The following PDE10A variants were observed in gnomAD, a reference collection of about 807,000 sequenced individuals.
PDE10A encodes phosphodiesterase 10A, also known as cAMP and cAMP-inhibited cGMP 3',5'-cyclic phosphodiesterase 10A.
PDE10A carries 39 observed loss-of-function variants against 97.7 expected under a neutral mutation model. The observed-to-expected ratio is 0.40, with a 90% CI of 0.31 to 0.52. The LOEUF (loss-of-function observed/expected upper bound fraction) is 0.52, where lower values mean the gene tolerates loss of function less well. Among genes scored for constraint, PDE10A ranks in the 20% least tolerant of loss-of-function variants. The pLI, the probability that PDE10A is intolerant of heterozygous loss-of-function variation, is 0.56. For missense variants in PDE10A, 731 were observed against 1,047.8 expected, an observed-to-expected ratio of 0.70 and a Z score of 4.17; for synonymous variants, 371 against 376.8, an observed-to-expected ratio of 0.98 and a Z score of 0.18.
intron 1 of PDE10A, among the ~76,000 whole-genome samples, chr6:165,878,207 C>G (rs1209933383): frequency 6.6e-6 from 1 of 152,164 alleles, no homozygotes; most frequent in Non-Finnish European, 1.5e-5. Context: ...CCATAGATGC[C>G]TCTAGTCTTA....
chr6:165,527,839 A>T (rs1486406678), intron 2 of PDE10A, among the ~76,000 whole-genome samples: 1 of 152,200 alleles, frequency 6.6e-6, no homozygotes, highest in Non-Finnish European at 1.5e-5. Context: ...CGATGGCCTC[A>T]TGGGGAGTTC....
intron 1 of PDE10A, among the ~76,000 whole-genome samples, chr6:165,729,269 A>G (rs1319522133): frequency 6.6e-6 from 1 of 152,144 alleles, no homozygotes; most frequent in Non-Finnish European, 1.5e-5. Context: ...AACCTTTTTC[A>G]AATGGAAAAA....
intron 1 of PDE10A, chr6:165,576,340 T>C: frequency 1.3e-6 from 1 of 775,746 alleles, no homozygotes; most frequent in Admixed American, 1.7e-5. Flanking sequence ...AGCTATAGAG[T>C]ACTAGTTTGC....
chr6:165,522,960 T>C (rs1782218174), intron 2 of PDE10A, among the ~76,000 whole-genome samples: 1 of 151,990 alleles, frequency 6.6e-6, no homozygotes, highest in African/African-American at 2.4e-5. Flanking sequence ...AAATCAATAG[T>C]GTTTCTATAT....
intron 2 of PDE10A, among the ~76,000 whole-genome samples, chr6:165,489,226 G>A (rs1780088565): frequency 6.6e-6 from 1 of 152,138 alleles, no homozygotes; most frequent in African/African-American, 2.4e-5. Context: ...TGGAGCAGGT[G>A]CTGGTATCCA....
intron 1 of PDE10A, among the ~76,000 whole-genome samples, chr6:165,757,364 G>A (rs1365303836): frequency 6.6e-6 from 1 of 151,928 alleles, no homozygotes; most frequent in Admixed American, 6.6e-5. Context: ...ATCATGTGCT[G>A]GCTATGAACA....
upstream of PDE10A, among the ~76,000 whole-genome samples, chr6:165,667,489 A>T (rs903933973): frequency 6.6e-6 from 1 of 152,184 alleles, no homozygotes; most frequent in Non-Finnish European, 1.5e-5. Context: ...AATAGTTTTT[A>T]ATTTTTAAAT....
At chr6:165,369,547 G>A (rs942434326) in intron 18 of PDE10A, among the ~76,000 whole-genome samples, 1 of 146,078 alleles carries the variant, frequency 6.8e-6, no homozygotes, top group African/African-American at 2.6e-5. Flanking sequence ...AAAAAGGAAT[G>A]AGCAAAGCCT....
At chr6:165,570,340 T>C (rs1316533784) in intron 1 of PDE10A, among the ~76,000 whole-genome samples, 2 of 152,188 alleles carry the variant, frequency 1.3e-5, no homozygotes, top group Non-Finnish European at 2.9e-5. Context: ...AAATGTAGCA[T>C]TACCATGTTC....
intron 3 of PDE10A, among the ~76,000 whole-genome samples, chr6:165,462,125 C>T (rs1215867095): frequency 2.0e-5 from 3 of 152,200 alleles, no homozygotes. Context: ...CCAGGCTATA[C>T]TAGCCAAGCT....
At position 165,560,395 on chromosome 6, in the gene PDE10A, T is replaced by C. The variant is rs184632898; in HGVS notation, c.866-16827A>G. 3.5e-3 allele frequency among the ~76,000 whole-genome samples: 534 copies of C among 152,198 alleles called. 5 individuals carry two copies. Among genetic ancestry groups the C allele is most frequent in the Non-Finnish European group, 4.0e-3 (273 of 68,010 alleles). On this transcript the variant is annotated intron_variant, in intron 1 of 21. Coordinates refer to ENST00000539869, the MANE Select transcript of PDE10A (RefSeq NM_001385079.1). ...CCAATGGCAAGAATCAGTTTGGGAG[T>C]GGAGCTTTCCCCAGAGCCTCCAGAA... is the stretch of plus-strand genomic sequence containing the variant.
intron 1 of PDE10A, among the ~76,000 whole-genome samples, chr6:165,691,629 T>G (rs1791304705): frequency 6.8e-6 from 1 of 146,550 alleles, no homozygotes; most frequent in Admixed American, 6.9e-5. Context: ...ACACACAGCA[T>G]CGGTTCTGTT....
intron 1 of PDE10A, among the ~76,000 whole-genome samples, chr6:165,934,393 G>A (rs760363257): frequency 6.6e-6 from 1 of 151,786 alleles, no homozygotes; most frequent in Admixed American, 6.6e-5. Context: ...ATTGCCTTGA[G>A]TTTGAATCTG....
chr6:165,421,129 A>C (rs910839591), intron 10 of PDE10A, among the ~76,000 whole-genome samples: 68 of 152,338 alleles, frequency 4.5e-4, no homozygotes, highest in African/African-American at 1.6e-3. Flanking sequence ...CTGCGAGATT[A>C]TCGTCATGGT....
intron 1 of PDE10A, among the ~76,000 whole-genome samples, chr6:165,858,738 G>A (rs187775778): frequency 6.6e-6 from 1 of 152,182 alleles, no homozygotes; most frequent in Non-Finnish European, 1.5e-5. Flanking sequence ...ACTCCCATCA[G>A]TGAAGGCTTT....
chr6:165,677,242 T>C (rs1790824423), intron 1 of PDE10A, among the ~76,000 whole-genome samples: 1 of 152,216 alleles, frequency 6.6e-6, no homozygotes, highest in South Asian at 2.1e-4. Context: ...GCTGAGGTCC[T>C]CTAAGGAAGA....
upstream of PDE10A, among the ~76,000 whole-genome samples, chr6:165,664,845 TTAAG>T (rs1290004528): frequency 2.0e-5 from 3 of 152,228 alleles, no homozygotes; most frequent in African/African-American, 2.4e-5. Context: ...TCCTTGTCAT[TTAAG>T]TTTCTTTATT....
intron 1 of PDE10A, among the ~76,000 whole-genome samples, chr6:165,777,114 T>C (rs1218744675): frequency 1.3e-5 from 2 of 152,306 alleles, no homozygotes; most frequent in African/African-American, 4.8e-5. Context: ...GCTTGTCTAC[T>C]GAGAACAGCA....
chr6:165,866,953 T>C (rs1278019497), intron 1 of PDE10A, among the ~76,000 whole-genome samples: 2 of 151,988 alleles, frequency 1.3e-5, no homozygotes, highest in East Asian at 1.9e-4. Flanking sequence ...GAGTTCTACA[T>C]CTAGGAGAGA....
Sources: gnomAD v4.1 joint callset for allele counts (sites outside exome capture counted in the v4.1 genomes callset) on GRCh38, gnomAD v4.1.1 for gene constraint, MANE v1.5 for transcripts, NCBI Gene and HGNC (gene_info 2026-07-23, HGNC 2026-07-21) for gene names.